Variants in ANAPC13 observed in about 807,000 individuals in gnomAD.
ANAPC13 encodes the protein anaphase promoting complex subunit 13.
In ANAPC13, 9 loss-of-function variants were observed where a neutral mutation model predicts 9.6. The observed-to-expected ratio is 0.94, with a 90% CI of 0.57 to 1.64. The LOEUF (loss-of-function observed/expected upper bound fraction) is 1.64, where lower values mean the gene tolerates loss of function less well. Among genes scored for constraint, ANAPC13 ranks in the 40% most tolerant of loss-of-function variants. The pLI is 0.00. For synonymous variants in ANAPC13, 30 were observed against 29.7 expected (o/e 1.01, Z -0.03); for missense variants, 75 against 85.3 (o/e 0.88, Z 0.48).
At position 134,485,967 on chromosome 3, in the gene ANAPC13, G is replaced by A. The variant is rs916592806; in HGVS notation, c.-43C>T. The A allele has an allele frequency of 1.9e-5, 18 of 972,524 alleles. No homozygotes were observed. The highest frequency in any genetic ancestry group is 2.1e-5 in the Non-Finnish European group (17 of 825,986). The allele number at this position is 972,524 out of a possible 1,614,324, so 60.2% of individuals were successfully genotyped here. A position where few individuals can be genotyped will look rare whatever the true frequency, so the allele number is the denominator to read the frequency against. On this transcript the variant is annotated 5_prime_UTR_variant, in exon 1 of 3. Transcript: ENST00000354910. Reference sequence around the variant, plus strand: ...AAACCCTTACCGGCACCCGGCCACCGCGGCAGACGCTTGCTCCTGCCACGC... The same window carrying A: ...AAACCCTTACCGGCACCCGGCCACCACGGCAGACGCTTGCTCCTGCCACGC...
At chr3:134,482,977 T>A in intron 1 of ANAPC13, 46 bp from the exon 2 acceptor site, 2 of 1,275,518 alleles carry the variant, frequency 1.6e-6, no homozygotes, top group Non-Finnish European at 2.3e-6. Flanking sequence ...ACTGAAGAGA[T>A]GGTATAATCC....
chr3:134,481,897 T>C (rs1373325154), intron 2 of ANAPC13, among the ~76,000 whole-genome samples: 4 of 152,242 alleles, frequency 2.6e-5, no homozygotes, highest in African/African-American at 9.6e-5. Flanking sequence ...CCTCAGTCCA[T>C]GGCATAAAAC....
chr3:134,480,988 C>A (rs1023766191), intron 2 of ANAPC13, among the ~76,000 whole-genome samples: 14 of 152,242 alleles, frequency 9.2e-5, no homozygotes, highest in African/African-American at 2.9e-4. Flanking sequence ...GCCTGGAAGT[C>A]AGCAGGGAAA....
chr3:134,479,824 T>C (rs1411529334), intron 2 of ANAPC13, among the ~76,000 whole-genome samples: 3 of 152,250 alleles, frequency 2.0e-5, no homozygotes, highest in East Asian at 3.8e-4. Flanking sequence ...ACACTTACTG[T>C]AGGATCTGGG....
rs1934653668 is a variant in ANAPC13, at chr3:134,478,187, G to A, written c.*403C>T. 6.0e-6 allele frequency: 1 copy of A among 166,826 alleles called. No individual in the cohort carries two copies. Among genetic ancestry groups the A allele is most frequent in the African/African-American group, 2.4e-5 (1 of 41,660 alleles). 10.3% of individuals were successfully genotyped at this position (166,826 alleles called of 1,614,324 possible). ...TCCGAATGCTTCTCAATGTGGGGAA[G>A]TATGAGAAGTTAATAATTCTCCTAG... On this transcript the variant is annotated 3_prime_UTR_variant, in exon 3 of 3. Transcript: ENST00000354910.
chr3:134,485,991 G>GCCCCCCCC (rs5852785), upstream of ANAPC13: 347 of 940,194 alleles, frequency 3.7e-4, 5 homozygotes, highest in African/African-American at 3.0e-3. Context: ...CTCCTGCCAC[G>GCCCCCCCC]CCCCCCCCCC....
chr3:134,478,722 A>C lies in ANAPC13; in HGVS notation c.100-7T>G. On this transcript the variant is annotated splice_polypyrimidine_tract_variant and splice_region_variant and intron_variant, in intron 2 of 2. Transcript: ENST00000354910. Reference sequence around the variant, plus strand: ...CAGGTTCAGGAAGCTCATTCTGAAAAGGTACAATAGAAATTCAGAACAGTA... The same window carrying C: ...CAGGTTCAGGAAGCTCATTCTGAAACGGTACAATAGAAATTCAGAACAGTA... 1 of 1,613,562 alleles carries C rather than the reference A, an allele frequency of 6.2e-7. No individual in the cohort carries two copies. The highest frequency in any genetic ancestry group is 1.7e-5 in the Admixed American group (1 of 59,786).
At position 134,484,388 on chromosome 3, in the gene ANAPC13, G is replaced by GA. The variant is rs11299516; in HGVS notation, c.-27-1458dup. ...GGCGACAGAGCAAGATTCCGTCTCGGAAAAAAAAAAACAAAAAAAACCAAA... is the reference window on the plus strand; with the variant it reads ...GGCGACAGAGCAAGATTCCGTCTCGGAAAAAAAAAAAACAAAAAAAACCAAA... On this transcript the variant is annotated intron_variant, in intron 1 of 2. Transcript: ENST00000354910. Among the ~76,000 whole-genome samples the GA allele has an allele frequency of 1.6e-3, 243 of 147,700 alleles. 1 individual carries two copies. Among genetic ancestry groups the GA allele is most frequent in the Non-Finnish European group, 2.1e-3 (143 of 66,836 alleles).
chr3:134,481,770 T>G lies in ANAPC13; in HGVS notation c.99+1036A>C, dbSNP rs190868794. Among the ~76,000 whole-genome samples, 397 of 152,352 alleles carry G rather than the reference T, an allele frequency of 2.6e-3. 3 individuals carry two copies. In the Middle Eastern group the frequency reaches 0.034, roughly 13 times the overall value. ...TATGTTATATGAAGCCCTACTTACC[T>G]GCTACCAGACTTTGGGCAAGTTGCC... On this transcript the variant is annotated intron_variant, in intron 2 of 2. Coordinates refer to ENST00000354910, the MANE Select transcript of ANAPC13 (RefSeq NM_015391.4).
intron 2 of ANAPC13, among the ~76,000 whole-genome samples, chr3:134,480,233 C>T (rs975487316): frequency 6.6e-6 from 1 of 152,096 alleles, no homozygotes; most frequent in African/African-American, 2.4e-5. Flanking sequence ...TAAATAGGTC[C>T]TTGGTTAATG....
chr3:134,485,603 A>G (rs1289886287), intron 1 of ANAPC13: 1 of 152,182 alleles, frequency 6.6e-6, no homozygotes, highest in African/African-American at 2.4e-5. Flanking sequence ...ATCAATTTCT[A>G]TATATTACAG....
chr3:134,482,832 G>T lies in ANAPC13; in HGVS notation c.73C>A (p.Pro25Thr). Residue 25 changes from proline (P) to threonine (T), a missense_variant, in exon 2 of 3, where the codon CCT (proline) becomes ACT (threonine). Physicochemically the swap from Pro to Thr is conservative, Grantham distance 38. Coordinates refer to ENST00000354910, the MANE Select transcript of ANAPC13 (RefSeq NM_015391.4). The part of the protein sequence containing the change: ...IDDAWREDKL[P>T]YEDVAIPLNE... ...AGTGGTATTGCGACATCCTCATAAG[G>T]CAGCTTGTCTTCTCGCCAAGCATCA... The T allele has an allele frequency of 6.2e-7, 1 of 1,614,042 alleles. No individual in the cohort carries two copies.
intron 2 of ANAPC13, among the ~76,000 whole-genome samples, chr3:134,479,700 A>G (rs187294803): frequency 6.6e-6 from 1 of 152,310 alleles, no homozygotes; most frequent in East Asian, 1.9e-4. Context: ...AACACTGAAA[A>G]TGTAATTAAT....
At chr3:134,481,421 C>A (rs74714839) in intron 2 of ANAPC13, among the ~76,000 whole-genome samples, 1,663 of 152,312 alleles carry the variant, frequency 0.011, 70 homozygotes, top group East Asian at 0.099. Flanking sequence ...CCCTCTGCTG[C>A]AATACCCTTG....
chr3:134,483,599 C>T (rs1032710423), intron 1 of ANAPC13, among the ~76,000 whole-genome samples: 1 of 152,192 alleles, frequency 6.6e-6, no homozygotes, highest in African/African-American at 2.4e-5. Flanking sequence ...AGCTCCTTGA[C>T]CATGGCTGAT....
At position 134,478,764 on chromosome 3, in the gene ANAPC13, C is replaced by T. The variant is rs1227651716; in HGVS notation, c.100-49G>A. On this transcript the variant is annotated intron_variant, in intron 2 of 2. Coordinates refer to ENST00000354910, the MANE Select transcript of ANAPC13 (RefSeq NM_015391.4). ...AGAACAGTAATATATTCTGCATCTT[C>T]TTGGAACTCAAGAACACTTAGAATT... 4.4e-6 allele frequency: 7 copies of T among 1,602,454 alleles called. No homozygotes were observed. In the Admixed American group the frequency reaches 8.7e-5, roughly 20 times the overall value.
In ANAPC13 at chr3:134,478,380, G is replaced by C; in HGVS notation, c.*210C>G. On this transcript the variant is annotated 3_prime_UTR_variant, in exon 3 of 3. Transcript: ENST00000354910. ...TCAAATATAAGCTACTCAATGAAGA[G>C]TTTTAGGTTTAAAGAGCGAAATATT... 1.7e-6 allele frequency: 1 copy of C among 600,170 alleles called. No homozygotes were observed. Among genetic ancestry groups the C allele is most frequent in the African/African-American group, 1.9e-5 (1 of 53,916 alleles). The allele number at this position is 600,170 out of a possible 1,614,324, so 37.2% of individuals were successfully genotyped here.
intron 2 of ANAPC13, among the ~76,000 whole-genome samples, chr3:134,479,321 A>C (rs1934681820): frequency 6.6e-6 from 1 of 152,134 alleles, no homozygotes; most frequent in South Asian, 2.1e-4. Context: ...TGTATCCAAA[A>C]AATTATCTTG....
chr3:134,484,871 G>C (rs188953884), intron 1 of ANAPC13, among the ~76,000 whole-genome samples: 14 of 152,236 alleles, frequency 9.2e-5, no homozygotes, highest in African/African-American at 3.1e-4. Context: ...CTTGCTTCTT[G>C]TCCTAACTTA....
Sources: gnomAD v4.1 joint callset for allele counts (sites outside exome capture counted in the v4.1 genomes callset) on GRCh38, gnomAD v4.1.1 for gene constraint, MANE v1.5 for transcripts, NCBI Gene and HGNC (gene_info 2026-07-23, HGNC 2026-07-21) for gene names.